Variants in MYO16 observed in about 807,000 individuals in gnomAD.
MYO16 encodes unconventional myosin-XVI.
In MYO16, 94 loss-of-function variants were observed where a neutral mutation model predicts 205.3. The ratio of observed to expected loss-of-function variants is 0.46; its 90% CI spans 0.39 to 0.54. The LOEUF is 0.54. Among genes scored for constraint, MYO16 ranks in the 20% least tolerant of loss-of-function variants. The pLI, the probability that MYO16 is intolerant of heterozygous loss-of-function variation, is 0.00. For synonymous variants in MYO16, 988 were observed against 954.0 expected, an observed-to-expected ratio of 1.04 and a Z score of -0.66; for missense variants, 2,315 against 2,387.5, an observed-to-expected ratio of 0.97 and a Z score of 0.63.
chr13:109,120,102 T>C (rs1386789139), intron 28 of MYO16, among the ~76,000 whole-genome samples: 1 of 152,228 alleles, frequency 6.6e-6, no homozygotes, highest in East Asian at 1.9e-4. Context: ...CCAGTGTTTC[T>C]CTTTTGCACC....
chr13:109,075,338 CTT>C (rs71204898), intron 27 of MYO16, among the ~76,000 whole-genome samples: 33,018 of 82,222 alleles, frequency 0.4, 3,896 homozygotes, highest in Middle Eastern at 0.51. Flanking sequence ...TTTGATCAGT[CTT>C]TTACATTTCT....
intron 12 of MYO16, among the ~76,000 whole-genome samples, chr13:108,869,525 C>A (rs991828886): frequency 1.2e-4 from 18 of 150,692 alleles, no homozygotes; most frequent in South Asian, 6.3e-4. Flanking sequence ...GAGATCGAGA[C>A]CATCCTGGCT....
chr13:108,744,600 C>A (rs1198260482), intron 4 of MYO16, among the ~76,000 whole-genome samples: 1 of 152,224 alleles, frequency 6.6e-6, no homozygotes, highest in Non-Finnish European at 1.5e-5. Context: ...CCCACTGGAG[C>A]CCTTCAAATG....
At chr13:108,997,023 G>A (rs1267602546) in intron 21 of MYO16, among the ~76,000 whole-genome samples, 1 of 152,136 alleles carries the variant, frequency 6.6e-6, no homozygotes, top group Non-Finnish European at 1.5e-5. Context: ...AGGTGCATTG[G>A]CTCCTGTCTG....
rs960532279 is a variant in MYO16, at chr13:108,677,478, A to G, written c.292+11329A>G. On this transcript the variant is annotated intron_variant, in intron 2 of 34. Transcript: ENST00000457511. ...TGTACATATATGTACCTATGTATAT[A>G]TGATATATATGTATATATACTTACA... is the stretch of plus-strand genomic sequence containing the variant. Among the ~76,000 whole-genome samples, 6 of 151,174 alleles carry G rather than the reference A, an allele frequency of 4.0e-5. No homozygotes were observed. The East Asian group carries it at 9.7e-4, about 24-fold the overall frequency.
rs112287396 is a variant in MYO16 at position 108,740,439 on chromosome 13, G to A, written c.507+12856G>A. Among the ~76,000 whole-genome samples the A allele has an allele frequency of 1.2e-3, 189 of 152,240 alleles. 1 individual carries two copies. Among genetic ancestry groups the A allele is most frequent in the African/African-American group, 4.3e-3 (180 of 41,536 alleles). On this transcript the variant is annotated intron_variant, in intron 4 of 34. Coordinates refer to ENST00000457511, the MANE Select transcript of MYO16 (RefSeq NM_001198950.3). The stretch of plus-strand genomic sequence containing the variant: ...TGCCTGGGTATCAGCAGTGGAGGCC[G>A]CAGAACAGTGAATATTGCTGAACAG...
the MYO16 span, among the ~76,000 whole-genome samples, chr13:108,574,715 G>A: frequency 4.0e-5 from 6 of 148,762 alleles, no homozygotes; most frequent in South Asian, 1.3e-3. Context: ...GTGTGCGCTT[G>A]TGTGTATTTG....
the MYO16 span, among the ~76,000 whole-genome samples, chr13:108,535,117 T>C: frequency 2.7e-3 from 402 of 151,450 alleles, 3 homozygotes; most frequent in African/African-American, 9.0e-3. Flanking sequence ...CCTCCTCCTT[T>C]TTCTTCCTCC....
At chr13:109,101,264 T>C (rs568874549) in intron 28 of MYO16, 206 of 168,130 alleles carry the variant, frequency 1.2e-3, no homozygotes, top group Non-Finnish European at 1.6e-3. Context: ...AGAGTTGGTC[T>C]CTCATAAGTG....
intron 1 of MYO16, among the ~76,000 whole-genome samples, chr13:108,598,584 C>T (rs1228237658): frequency 6.6e-6 from 1 of 152,086 alleles, no homozygotes; most frequent in Non-Finnish European, 1.5e-5. Context: ...TTGAAAGTGT[C>T]CACTTTCTGT....
At chr13:108,756,914 TA>T (rs1885439378) in intron 4 of MYO16, among the ~76,000 whole-genome samples, 1 of 152,216 alleles carries the variant, frequency 6.6e-6, no homozygotes, top group African/African-American at 2.4e-5. Flanking sequence ...TATACTGTTT[TA>T]CAACACAGTC....
At chr13:108,635,305 T>C (rs1880172839) in intron 1 of MYO16, among the ~76,000 whole-genome samples, 1 of 152,166 alleles carries the variant, frequency 6.6e-6, no homozygotes, top group Non-Finnish European at 1.5e-5. Flanking sequence ...CGAAATATGG[T>C]TTCCTGTGGG....
chr13:108,698,315 T>C (rs548196823), intron 2 of MYO16, among the ~76,000 whole-genome samples: 1 of 152,318 alleles, frequency 6.6e-6, no homozygotes, highest in East Asian at 1.9e-4. Flanking sequence ...TGTGGACAGA[T>C]ATGTACAGTG....
chr13:108,763,636 T>C (rs898662924), intron 4 of MYO16, among the ~76,000 whole-genome samples: 3 of 152,112 alleles, frequency 2.0e-5, no homozygotes, highest in East Asian at 3.9e-4. Context: ...CAGTTTACCA[T>C]GAAAGCAAAC....
intron 3 of MYO16, among the ~76,000 whole-genome samples, chr13:108,726,325 C>G (rs1884334424): frequency 6.6e-6 from 1 of 152,074 alleles, no homozygotes; most frequent in Non-Finnish European, 1.5e-5. Context: ...CTTTGGGAGG[C>G]CGAGGTGGGC....
At chr13:109,003,416 T>C (rs1291459275) in intron 21 of MYO16, among the ~76,000 whole-genome samples, 1 of 152,196 alleles carries the variant, frequency 6.6e-6, no homozygotes, top group Non-Finnish European at 1.5e-5. Flanking sequence ...CCACTGACGC[T>C]GCAGCTTAAT....
At chr13:108,606,335 A>C (rs1878957562) in intron 1 of MYO16, among the ~76,000 whole-genome samples, 1 of 152,184 alleles carries the variant, frequency 6.6e-6, no homozygotes, top group Non-Finnish European at 1.5e-5. Flanking sequence ...ATAGGCCCAG[A>C]GGCCTAGGAG....
At chr13:109,095,445 T>C (rs1190431715) in intron 27 of MYO16, among the ~76,000 whole-genome samples, 1 of 152,216 alleles carries the variant, frequency 6.6e-6, no homozygotes, top group Non-Finnish European at 1.5e-5. Flanking sequence ...TTCTATCCTG[T>C]GACACCACCT....
intron 11 of MYO16, among the ~76,000 whole-genome samples, chr13:108,863,067 C>T (rs1471398839): frequency 6.6e-6 from 1 of 151,988 alleles, no homozygotes. Context: ...ATTTTTTATC[C>T]ATCAAACTTG....
Sources: gnomAD v4.1 joint callset for allele counts (sites outside exome capture counted in the v4.1 genomes callset) on GRCh38, gnomAD v4.1.1 for gene constraint, MANE v1.5 for transcripts, NCBI Gene and HGNC (gene_info 2026-07-23, HGNC 2026-07-21) for gene names.